OGDH: variants seen among roughly 807,000 people sequenced by gnomAD.
The protein encoded by OGDH is 2-oxoglutarate dehydrogenase complex component E1.
In OGDH, 38 loss-of-function variants were observed where a neutral mutation model predicts 116.6. The ratio of observed to expected loss-of-function variants is 0.33; its 90% CI spans 0.25 to 0.43. The LOEUF is 0.43. Ranked by LOEUF, OGDH falls within the 20% of genes least tolerant of loss-of-function variation. The probability of loss-of-function intolerance (pLI) is 1.00; values close to 1 mark genes in which losing one functional copy is unlikely to be tolerated. For missense variants in OGDH, 825 were observed against 1,357.2 expected, an observed-to-expected ratio of 0.61 and a Z score of 6.16; for synonymous variants, 488 against 533.3, an observed-to-expected ratio of 0.92 and a Z score of 1.17.
chr7:44,611,331 C>T (rs887023533), intron 1 of OGDH, among the ~76,000 whole-genome samples: 10 of 152,006 alleles, frequency 6.6e-5, no homozygotes, highest in Admixed American at 1.3e-4. Flanking sequence ...TGCAGTGGCA[C>T]GATCTCAGCT....
chr7:44,656,767 C>T (rs140155729), intron 4 of OGDH, among the ~76,000 whole-genome samples: 1 of 152,300 alleles, frequency 6.6e-6, no homozygotes, highest in African/African-American at 2.4e-5. Context: ...ACTCTGGATT[C>T]TTCCAGATTC....
chr7:44,688,492 G>A lies in OGDH; in HGVS notation c.1336-5333G>A, dbSNP rs573228759. Among the ~76,000 whole-genome samples the A allele has an allele frequency of 2.1e-5, 3 of 141,576 alleles. No individual in the cohort carries two copies. In the East Asian group the frequency reaches 6.3e-4, roughly 30 times the overall value. The allele number at this position is 141,576 out of a possible 152,430, so 92.9% of individuals were successfully genotyped here. The stretch of plus-strand genomic sequence containing the variant: ...GTCGCCCAAGCTGGAGTGCAGTGGT[G>A]TGATCTCGGCTCATTGCAAGCTCTG... On this transcript the variant is annotated intron_variant, in intron 10 of 22. Transcript: ENST00000222673.
rs1214340255 is a variant in OGDH at position 44,694,721 on chromosome 7, A to G, written c.1668+145A>G. On this transcript the variant is annotated intron_variant, in intron 12 of 22. Transcript: ENST00000222673. The surrounding 1 kb of genome is among the most constrained non-coding windows in gnomAD (Gnocchi z 4.2). Reference sequence around the variant, plus strand: ...AAATATTTACAACTACAGCATTTCAATGCATAACTTTTTGGAGAATCTGGG... The same window carrying G: ...AAATATTTACAACTACAGCATTTCAGTGCATAACTTTTTGGAGAATCTGGG... 1.1e-5 allele frequency: 10 copies of G among 920,698 alleles called. No individual in the cohort carries two copies. The highest frequency in any genetic ancestry group is 2.7e-5 in the East Asian group (1 of 37,664). 57.0% of individuals were successfully genotyped at this position (920,698 alleles called of 1,614,324 possible).
chr7:44,674,389 G>A (rs1462942589), intron 6 of OGDH, 22 bp from the exon 7 acceptor site: 7 of 1,613,870 alleles, frequency 4.3e-6, no homozygotes, highest in Non-Finnish European at 5.1e-6. Context: ...TGCCCTTCAA[G>A]GTGGCTTGGT....
intron 4 of OGDH, among the ~76,000 whole-genome samples, chr7:44,659,246 G>A (rs1296839888): frequency 6.6e-6 from 1 of 152,170 alleles, no homozygotes; most frequent in Non-Finnish European, 1.5e-5. Flanking sequence ...ACCAGCCTTG[G>A]ATTAGTGGAA....
chr7:44,655,559 T>C (rs747744964), intron 4 of OGDH, among the ~76,000 whole-genome samples: 2 of 152,250 alleles, frequency 1.3e-5, no homozygotes, highest in Non-Finnish European at 1.5e-5. Flanking sequence ...AGCTTCTCTG[T>C]GTGCCTGTGT....
chr7:44,698,796 G>A (rs968749152), intron 18 of OGDH, among the ~76,000 whole-genome samples: 15 of 151,232 alleles, frequency 9.9e-5, no homozygotes, highest in Middle Eastern at 6.8e-3. Flanking sequence ...AGCCAAGATC[G>A]TGCCACTGCA....
chr7:44,607,326 A>T (rs1359279295), intron 1 of OGDH, among the ~76,000 whole-genome samples: 1 of 152,210 alleles, frequency 6.6e-6, no homozygotes, highest in Non-Finnish European at 1.5e-5. Flanking sequence ...TCGAAAATAT[A>T]TCAGACATTG....
chr7:44,666,894 C>T (rs1472820498), intron 5 of OGDH, 43 bp downstream of exon 5: 1 of 1,213,130 alleles, frequency 8.2e-7, no homozygotes, highest in Non-Finnish European at 1.2e-6. Flanking sequence ...TTCTTAAGAA[C>T]TTGTATTGGC....
intron 20 of OGDH, 72 bp downstream of exon 20, chr7:44,701,687 C>T (rs1252584111): frequency 9.4e-6 from 13 of 1,384,294 alleles, no homozygotes; most frequent in Admixed American, 5.2e-5. Flanking sequence ...TGCTCTTTTA[C>T]AGCTCATGGG....
At chr7:44,687,091 A>ATTTTTTTTTTTTTT (rs59074567) in intron 10 of OGDH, among the ~76,000 whole-genome samples, 34 of 95,528 alleles carry the variant, frequency 3.6e-4, no homozygotes, top group East Asian at 6.4e-4. Context: ...ATTTTTTTTA[A>ATTTTTTTTTTTTTT]TTTTTTTTTT....
Position 44,666,754 on chromosome 7 carries a change from A to T in OGDH, c.536A>T (p.Glu179Val). The T allele has an allele frequency of 1.2e-6, 2 of 1,611,906 alleles. No homozygotes were observed. The highest frequency in any genetic ancestry group is 1.7e-6 in the Non-Finnish European group (2 of 1,178,966). Residue 179 changes from glutamate (E) to valine (V), a missense_variant, in exon 5 of 23, where the codon GAG (glutamate) becomes GTG (valine). By Grantham distance (121) the Glu-to-Val change is moderately radical (BLOSUM62 -2). This residue lies in a region of OGDH where 171 missense variants were observed against 276.8 expected (regional missense o/e 0.62). Transcript: ENST00000222673. ...TDKLGFYGLD[E>V]SDLDKVFHLP... ...CCTGCAGGGTTCTATGGCCTGGATG[A>T]GTCTGACCTCGACAAGGTCTTCCAC...
At chr7:44,639,283 G>T (rs1785813662) in intron 2 of OGDH, among the ~76,000 whole-genome samples, 1 of 152,164 alleles carries the variant, frequency 6.6e-6, no homozygotes. Context: ...AGAGATACAG[G>T]GTTGCAGGAC....
At chr7:44,631,071 C>G (rs1490097909) in intron 2 of OGDH, among the ~76,000 whole-genome samples, 1 of 152,106 alleles carries the variant, frequency 6.6e-6, no homozygotes, top group Non-Finnish European at 1.5e-5. Context: ...CAGTACTGGT[C>G]TGTGGCCCGG....
chr7:44,639,874 C>T (rs1052869398), intron 2 of OGDH, among the ~76,000 whole-genome samples: 2 of 152,210 alleles, frequency 1.3e-5, no homozygotes, highest in Admixed American at 6.5e-5. Context: ...CCCGGGGATT[C>T]CCAGCAGCTC....
At position 44,694,305 on chromosome 7, in the gene OGDH, C is replaced by T; in HGVS notation, c.1516-119C>T. On this transcript the variant is annotated intron_variant, in intron 11 of 22. Coordinates refer to ENST00000222673, the MANE Select transcript of OGDH (RefSeq NM_002541.4). The surrounding 1 kb of genome is among the most constrained non-coding windows in gnomAD (Gnocchi z 4.2). ...ATTCTAGAGAAGGTAAACTCCAGGG[C>T]AGGCATGAGGAATGAAGAACGTGGC... The T allele has an allele frequency of 1.6e-6, 2 of 1,233,550 alleles. No homozygotes were observed. Among genetic ancestry groups the T allele is most frequent in the Non-Finnish European group, 2.2e-6 (2 of 890,826 alleles). The allele number at this position is 1,233,550 out of a possible 1,614,324, so 76.4% of individuals were successfully genotyped here. A position where few individuals can be genotyped will look rare whatever the true frequency, so the allele number is the denominator to read the frequency against.
At chr7:44,652,872 C>G (rs938302148) in intron 4 of OGDH, among the ~76,000 whole-genome samples, 1 of 151,942 alleles carries the variant, frequency 6.6e-6, no homozygotes, top group Non-Finnish European at 1.5e-5. Flanking sequence ...AGGAGGGCTC[C>G]TAGGGAGTCT....
rs367897508 is a variant in OGDH at position 44,689,208 on chromosome 7, CTTTTTTTTTTTTTTT to C, written c.1336-4606_1336-4592del. Reference sequence around the variant, plus strand: ...TCCCACTGGAAATATATCAGGGTTCCTTTTTTTTTTTTTTTTTTTTTTTTTGAGACAGGGTCTTAC... The same window carrying C: ...TCCCACTGGAAATATATCAGGGTTCCTTTTTTTTTTGAGACAGGGTCTTAC... On this transcript the variant is annotated intron_variant, in intron 10 of 22. Coordinates refer to ENST00000222673, the MANE Select transcript of OGDH (RefSeq NM_002541.4). 3.4e-3 allele frequency among the ~76,000 whole-genome samples: 346 copies of C among 101,364 alleles called. 1 individual carries two copies. The highest frequency in any genetic ancestry group is 0.013 in the African/African-American group (324 of 24,478). 66.5% of individuals were successfully genotyped at this position (101,364 alleles called of 152,430 possible). A position where few individuals can be genotyped will look rare whatever the true frequency, so the allele number is the denominator to read the frequency against.
chr7:44,666,561 G>A (rs752902644), intron 4 of OGDH, 175 bp from the exon 5 acceptor site: 1 of 375,728 alleles, frequency 2.7e-6, no homozygotes, highest in Non-Finnish European at 4.7e-6. Flanking sequence ...TAAAGTTTGT[G>A]TTTCTGGCTG....
Sources: allele counts gnomAD v4.1 joint callset (sites outside exome capture counted in the v4.1 genomes callset), GRCh38; gene constraint gnomAD v4.1.1; regional missense constraint gnomAD v4.1.1; non-coding constraint Gnocchi (gnomAD v3.1); transcripts MANE v1.5; gene names NCBI Gene and HGNC (gene_info 2026-07-23, HGNC 2026-07-21).